The following EDIL3 variants were observed in gnomAD, a reference collection of about 807,000 sequenced individuals.
The protein encoded by EDIL3 is EGF like and discoidin domains 3, also known as EGF-like repeat and discoidin I-like domain-containing protein 3.
In EDIL3, 37 loss-of-function variants were observed where a neutral mutation model predicts 67.4. The observed-to-expected ratio is 0.55, with a 90% confidence interval of 0.42 to 0.72. The LOEUF (loss-of-function observed/expected upper bound fraction) is 0.72. Among genes scored for constraint, EDIL3 ranks in the 30% least tolerant of loss-of-function variants. The probability of loss-of-function intolerance (pLI) is 0.00; values close to 1 mark genes in which losing one functional copy is unlikely to be tolerated. For missense variants in EDIL3, 527 were observed against 586.3 expected, an observed-to-expected ratio of 0.90 and a Z score of 1.04; for synonymous variants, 195 against 196.3, an observed-to-expected ratio of 0.99 and a Z score of 0.05.
At chr5:84,297,331 T>A (rs1011373414) in intron 1 of EDIL3, among the ~76,000 whole-genome samples, 1 of 152,036 alleles carries the variant, frequency 6.6e-6, no homozygotes, top group Non-Finnish European at 1.5e-5. Flanking sequence ...CACAATGATA[T>A]ATGATCTCAT....
rs79111649 is a variant in EDIL3 at position 84,020,092 on chromosome 5, C to T, written c.1137+40208G>A. ...TCTTTTGTACAAAAAAAAAAAAAAA[C>T]GCAACAAACAAAACACTTTCCTTTT... On this transcript the variant is annotated intron_variant, in intron 9 of 10. Coordinates refer to ENST00000296591, the MANE Select transcript of EDIL3 (RefSeq NM_005711.5). Among the ~76,000 whole-genome samples, 16 of 91,250 alleles carry T rather than the reference C, an allele frequency of 1.8e-4. No homozygotes were observed. In the South Asian group the frequency reaches 4.7e-3, roughly 27 times the overall value. 59.9% of individuals were successfully genotyped at this position (91,250 alleles called of 152,430 possible).
intron 3 of EDIL3, among the ~76,000 whole-genome samples, chr5:84,211,257 C>T (rs75934251): frequency 0.01 from 1,585 of 152,120 alleles, 31 homozygotes; most frequent in African/African-American, 0.036. Flanking sequence ...TATTAGTATC[C>T]GGGATAACTG....
At chr5:84,319,731 G>A (rs952991733) in intron 1 of EDIL3, among the ~76,000 whole-genome samples, 12 of 152,028 alleles carry the variant, frequency 7.9e-5, no homozygotes, top group Non-Finnish European at 1.6e-4. Flanking sequence ...GTTCACAATA[G>A]CAAAGTCTTG....
chr5:84,128,908 CT>C (rs147828815), intron 5 of EDIL3, among the ~76,000 whole-genome samples: 5,788 of 152,202 alleles, frequency 0.038, 157 homozygotes, highest in Non-Finnish European at 0.056. Flanking sequence ...AAAACAAAAA[CT>C]TCTTACGGAA....
chr5:84,135,581 G>T (rs1405478793), intron 5 of EDIL3, among the ~76,000 whole-genome samples: 3 of 152,236 alleles, frequency 2.0e-5, no homozygotes, highest in Non-Finnish European at 2.9e-5. Context: ...AGAAATGGAT[G>T]CAAGTGCTGT....
At chr5:83,975,998 C>T (rs2112246) in intron 9 of EDIL3, among the ~76,000 whole-genome samples, 17,590 of 151,690 alleles carry the variant, frequency 0.12, 1,832 homozygotes, top group African/African-American at 0.28. Flanking sequence ...TATCTATTAC[C>T]TTAGGAATTA....
chr5:84,041,146 A>C (rs1252367056), intron 9 of EDIL3, among the ~76,000 whole-genome samples: 2 of 151,712 alleles, frequency 1.3e-5, no homozygotes, highest in Non-Finnish European at 1.5e-5. Context: ...AAAAAAAAAA[A>C]ACACAAAACA....
Position 84,140,500 on chromosome 5 carries a change from G to A in EDIL3, c.356-3146C>T, listed in dbSNP as rs571216856. ...TCAACCTTTAAACCTTCCAGTTATA[G>A]GCTCATCAGGCCCCATCTATAAATC... On this transcript the variant is annotated intron_variant, in intron 4 of 10. Coordinates refer to ENST00000296591, the MANE Select transcript of EDIL3 (RefSeq NM_005711.5). Among the ~76,000 whole-genome samples the A allele has an allele frequency of 1.2e-4, 19 of 152,132 alleles. 1 individual carries two copies. In the South Asian group the frequency reaches 3.1e-3, roughly 25 times the overall value.
At chr5:84,261,950 T>C (rs1745230152) in intron 1 of EDIL3, among the ~76,000 whole-genome samples, 1 of 152,182 alleles carries the variant, frequency 6.6e-6, no homozygotes, top group South Asian at 2.1e-4. Flanking sequence ...TGTTCAGTGT[T>C]GACTATTTGA....
At chr5:83,963,042 A>G (rs1033459157) in intron 10 of EDIL3, among the ~76,000 whole-genome samples, 163 bp downstream of exon 10, 1 of 151,608 alleles carries the variant, frequency 6.6e-6, no homozygotes, top group African/African-American at 2.4e-5. Context: ...CCAGACTGCA[A>G]CCCCTTTACA....
At chr5:84,143,118 T>A (rs1304116671) in intron 4 of EDIL3, among the ~76,000 whole-genome samples, 1 of 152,034 alleles carries the variant, frequency 6.6e-6, no homozygotes, top group African/African-American at 2.4e-5. Context: ...AAGATTGAAT[T>A]TCTATTTAAG....
At chr5:84,141,654 CA>C (rs987294046) in intron 4 of EDIL3, among the ~76,000 whole-genome samples, 2 of 148,684 alleles carry the variant, frequency 1.3e-5, no homozygotes, top group Non-Finnish European at 3.0e-5. Context: ...AAAGGAAACA[CA>C]AATTACTTTG....
chr5:84,341,534 A>G (rs1399066321), intron 1 of EDIL3, among the ~76,000 whole-genome samples: 1 of 152,092 alleles, frequency 6.6e-6, no homozygotes, highest in Non-Finnish European at 1.5e-5. Context: ...TTTGTTAAAT[A>G]TTTCTGTGTA....
intron 1 of EDIL3, among the ~76,000 whole-genome samples, chr5:84,363,618 T>A (rs1747661525): frequency 6.6e-6 from 1 of 152,182 alleles, no homozygotes; most frequent in South Asian, 2.1e-4. Context: ...AAATTTAAGT[T>A]AATCTCATTT....
At chr5:84,237,361 T>C (rs1427189203) in intron 2 of EDIL3, among the ~76,000 whole-genome samples, 2 of 152,118 alleles carry the variant, frequency 1.3e-5, no homozygotes, top group Non-Finnish European at 2.9e-5. Context: ...AAAATGTTAA[T>C]GCTGGACAAG....
intron 4 of EDIL3, among the ~76,000 whole-genome samples, chr5:84,178,707 A>T (rs1474624095): frequency 6.6e-6 from 1 of 152,178 alleles, no homozygotes; most frequent in Non-Finnish European, 1.5e-5. Flanking sequence ...TCAGGTCTCA[A>T]ATCTGGGTTT....
At chr5:84,159,128 G>A (rs985307098) in intron 4 of EDIL3, among the ~76,000 whole-genome samples, 1 of 152,036 alleles carries the variant, frequency 6.6e-6, no homozygotes, top group African/African-American at 2.4e-5. Flanking sequence ...CATTTCCAGA[G>A]ATCCACTTTT....
chr5:84,179,105 C>T (rs1748971450), intron 4 of EDIL3, among the ~76,000 whole-genome samples: 2 of 152,176 alleles, frequency 1.3e-5, no homozygotes, highest in African/African-American at 4.8e-5. Flanking sequence ...TCCCTCTGGG[C>T]ACTGCCTCTG....
intron 6 of EDIL3, among the ~76,000 whole-genome samples, chr5:84,081,211 T>C (rs1460910068): frequency 2.6e-5 from 4 of 152,170 alleles, no homozygotes; most frequent in Non-Finnish European, 5.9e-5. Flanking sequence ...TTCCACTATA[T>C]TGTACTCATC....
Sources: gnomAD v4.1 joint callset for allele counts (sites outside exome capture counted in the v4.1 genomes callset) on GRCh38, gnomAD v4.1.1 for gene constraint, MANE v1.5 for transcripts, NCBI Gene and HGNC (gene_info 2026-07-23, HGNC 2026-07-21) for gene names.